MARCHF1: variants seen among roughly 807,000 people sequenced by gnomAD.
The protein encoded by MARCHF1 is E3 ubiquitin-protein ligase MARCHF1.
In MARCHF1, 40 loss-of-function variants were observed where a neutral mutation model predicts 54.2. The observed-to-expected ratio is 0.74, with a 90% CI of 0.57 to 0.96. The LOEUF (loss-of-function observed/expected upper bound fraction) is 0.96, where lower values mean the gene tolerates loss of function less well. Ranked by LOEUF, MARCHF1 falls within the 40% of genes least tolerant of loss-of-function variation. MARCHF1 has a pLI of 0.00. For missense variants in MARCHF1, 586 were observed against 656.5 expected (o/e 0.89, Z 1.17); for synonymous variants, 236 against 236.3 (o/e 1.00, Z 0.01).
chr4:164,206,934 T>TA (rs1431467579), intron 1 of MARCHF1, among the ~76,000 whole-genome samples: 1 of 152,020 alleles, frequency 6.6e-6, no homozygotes, highest in Non-Finnish European at 1.5e-5. Context: ...ATGATAATAC[T>TA]AAAAAAATTG....
At chr4:164,140,239 CTA>C (rs70948702) in intron 1 of MARCHF1, among the ~76,000 whole-genome samples, 3,223 of 147,344 alleles carry the variant, frequency 0.022, 101 homozygotes, top group East Asian at 0.16. Context: ...TACACACACA[CTA>C]TATATATATA....
chr4:164,330,459 G>A (rs558216618), intron 1 of MARCHF1, among the ~76,000 whole-genome samples: 4 of 152,274 alleles, frequency 2.6e-5, no homozygotes, highest in South Asian at 2.1e-4. Context: ...ACAGACATAT[G>A]TCCATAAAAC....
chr4:163,978,854 T>C (rs1178040437), intron 3 of MARCHF1, among the ~76,000 whole-genome samples: 2 of 151,940 alleles, frequency 1.3e-5, no homozygotes. Flanking sequence ...CCCAAGTAGC[T>C]AGGACTGCAG....
intron 3 of MARCHF1, among the ~76,000 whole-genome samples, chr4:163,929,962 TAA>T (rs1560823798): frequency 1.1e-3 from 48 of 44,666 alleles, no homozygotes; most frequent in Middle Eastern, 9.4e-3. Flanking sequence ...ATATTATATA[TAA>T]TATATATAAT....
At chr4:163,633,574 C>T (rs949665246) in intron 5 of MARCHF1, among the ~76,000 whole-genome samples, 2 of 152,126 alleles carry the variant, frequency 1.3e-5, no homozygotes, top group African/African-American at 2.4e-5. Flanking sequence ...TGAGCAAAGC[C>T]TCCAAGAAAT....
At chr4:163,686,738 C>T (rs1302788275) in intron 5 of MARCHF1, among the ~76,000 whole-genome samples, 2 of 151,958 alleles carry the variant, frequency 1.3e-5, no homozygotes, top group Non-Finnish European at 2.9e-5. Flanking sequence ...AAAGACTCAA[C>T]TGACATAAGA....
chr4:163,975,253 GA>G lies in MARCHF1; in HGVS notation c.-39+13247del, dbSNP rs543301009. ...ACTTCCTATTGTTTCTGTTTTTCTT[GA>G]CAACTCTGACTAATGCAGACTTTGA... On this transcript the variant is annotated intron_variant, in intron 3 of 9. Transcript: ENST00000514618. Among the ~76,000 whole-genome samples, 335 of 146,604 alleles carry G rather than the reference GA, an allele frequency of 2.3e-3. 1 individual carries two copies. Among genetic ancestry groups the G allele is most frequent in the African/African-American group, 8.1e-3 (319 of 39,440 alleles).
At chr4:164,014,263 A>G (rs1283581911) in intron 2 of MARCHF1, among the ~76,000 whole-genome samples, 1 of 151,878 alleles carries the variant, frequency 6.6e-6, no homozygotes. Context: ...AAAAAAGTGT[A>G]GAGGTTTTTA....
At chr4:163,774,985 G>A (rs928767199) in intron 4 of MARCHF1, among the ~76,000 whole-genome samples, 4 of 152,014 alleles carry the variant, frequency 2.6e-5, no homozygotes, top group South Asian at 2.1e-4. Flanking sequence ...GTCATGTCAC[G>A]TCACTTCTCT....
intron 4 of MARCHF1, among the ~76,000 whole-genome samples, chr4:163,822,373 A>G (rs192528677): frequency 6.6e-6 from 1 of 151,950 alleles, no homozygotes; most frequent in Non-Finnish European, 1.5e-5. Context: ...GTATTTGCCA[A>G]TTATATGAAT....
chr4:163,636,002 T>C (rs1175967967), intron 5 of MARCHF1, among the ~76,000 whole-genome samples: 1 of 152,196 alleles, frequency 6.6e-6, no homozygotes, highest in African/African-American at 2.4e-5. Flanking sequence ...ACCACATGAT[T>C]ATCTCAATAG....
chr4:163,583,790 C>T (rs1052726097), intron 8 of MARCHF1: 4 of 149,428 alleles, frequency 2.7e-5, no homozygotes, highest in Non-Finnish European at 5.9e-5. Context: ...GCTGGAACTA[C>T]AGGTTTGTGC....
At chr4:163,948,405 A>G (rs1752065632) in intron 3 of MARCHF1, among the ~76,000 whole-genome samples, 1 of 152,230 alleles carries the variant, frequency 6.6e-6, no homozygotes, top group Non-Finnish European at 1.5e-5. Flanking sequence ...CTACCTGTCC[A>G]GTACTTTAAG....
chr4:163,764,352 G>A (rs1028699496), intron 4 of MARCHF1, among the ~76,000 whole-genome samples: 17 of 152,000 alleles, frequency 1.1e-4, no homozygotes, highest in Admixed American at 5.2e-4. Context: ...GTAAGAAATC[G>A]TATCCAGAAG....
At chr4:163,569,318 T>C (rs115471977) in intron 8 of MARCHF1, among the ~76,000 whole-genome samples, 209 of 152,228 alleles carry the variant, frequency 1.4e-3, no homozygotes, top group African/African-American at 4.4e-3. Context: ...TCTGTGTCCT[T>C]TTAGTTTTTT....
intron 4 of MARCHF1, among the ~76,000 whole-genome samples, chr4:163,742,522 G>A (rs1173278121): frequency 6.6e-6 from 1 of 150,710 alleles, no homozygotes; most frequent in Non-Finnish European, 1.5e-5. Context: ...CATCACCCAG[G>A]CTAGAATTCA....
At chr4:163,845,936 G>C (rs1207732050) in intron 4 of MARCHF1, among the ~76,000 whole-genome samples, 1 of 152,114 alleles carries the variant, frequency 6.6e-6, no homozygotes, top group African/African-American at 2.4e-5. Flanking sequence ...AATTCAATCT[G>C]TTTCCATAAC....
At chr4:163,622,594 C>G (rs1210974078) in intron 5 of MARCHF1, among the ~76,000 whole-genome samples, 2 of 152,084 alleles carry the variant, frequency 1.3e-5, no homozygotes, top group African/African-American at 4.8e-5. Flanking sequence ...TCTAAGATTC[C>G]TAAGTAACTA....
intron 4 of MARCHF1, among the ~76,000 whole-genome samples, chr4:163,721,123 G>T (rs1745441020): frequency 1.3e-5 from 2 of 152,180 alleles, no homozygotes; most frequent in Admixed American, 6.5e-5. Context: ...CAAAGGGAAT[G>T]CTTCCAGTTT....
Sources: allele counts gnomAD v4.1 joint callset (sites outside exome capture counted in the v4.1 genomes callset), GRCh38; gene constraint gnomAD v4.1.1; transcripts MANE v1.5; gene names NCBI Gene and HGNC (gene_info 2026-07-23, HGNC 2026-07-21).